The following PREX1 variants were observed in gnomAD, a reference collection of about 807,000 sequenced individuals.
PREX1 encodes the protein phosphatidylinositol-3,4,5-trisphosphate dependent Rac exchange factor 1.
Under a neutral mutation model 198.3 loss-of-function variants are expected in PREX1, and 41 were observed. The ratio of observed to expected loss-of-function variants is 0.21; its 90% confidence interval spans 0.16 to 0.27. PREX1 has a LOEUF of 0.27. Ranked by LOEUF, PREX1 falls within the 10% of genes least tolerant of loss-of-function variation. The pLI is 1.00. For missense variants in PREX1, 1,620 were observed against 2,200.7 expected, an observed-to-expected ratio of 0.74 and a Z score of 5.28; for synonymous variants, 843 against 887.2, an observed-to-expected ratio of 0.95 and a Z score of 0.89.
Position 48,659,901 on chromosome 20 carries a change from G to C in PREX1, c.1881+18C>G. On this transcript the variant is annotated intron_variant, in intron 16 of 39. Transcript: ENST00000371941. Reference sequence around the variant, plus strand: ...GGGCTCTGGCAAGGAAGGGACAGCTGCTCAGCTGTGCTCCTACCAGCAGGC... The same window carrying C: ...GGGCTCTGGCAAGGAAGGGACAGCTCCTCAGCTGTGCTCCTACCAGCAGGC... The C allele has an allele frequency of 1.2e-6, 2 of 1,613,910 alleles. No homozygotes were observed. The highest frequency in any genetic ancestry group is 3.4e-4 in the Middle Eastern group (2 of 5,830).
chr20:48,649,626 C>T (rs1217046590), intron 24 of PREX1, 50 bp from the exon 25 acceptor site: 1 of 1,530,052 alleles, frequency 6.5e-7, no homozygotes, highest in South Asian at 1.2e-5. Flanking sequence ...CCAGCATCCA[C>T]TGGGCCTTTG....
intron 1 of PREX1, among the ~76,000 whole-genome samples, chr20:48,780,277 C>G (rs6019417): frequency 6.6e-6 from 1 of 151,920 alleles, no homozygotes; most frequent in Non-Finnish European, 1.5e-5. Context: ...AGGGAAAATA[C>G]AAGATGAGCC....
intron 39 of PREX1, 32 bp downstream of exon 39, chr20:48,627,516 G>A (rs2089282306): frequency 6.2e-7 from 1 of 1,612,692 alleles, no homozygotes; most frequent in Non-Finnish European, 8.5e-7. Context: ...GCTGGGAGTG[G>A]ACAGGAAGGG....
rs368678071 is a variant in PREX1 at position 48,688,852 on chromosome 20, AG to A, written c.1187-49del. On this transcript the variant is annotated intron_variant, in intron 9 of 39. Coordinates refer to ENST00000371941, the MANE Select transcript of PREX1 (RefSeq NM_020820.4). The stretch of plus-strand genomic sequence containing the variant: ...CTGGAGAGAGCACCAGGCCCAGGGC[AG>A]GGGGGGTAGGGGGAGACAAGGGGCA... 4.2e-5 allele frequency: 67 copies of A among 1,587,480 alleles called. 1 individual carries two copies. In the African/African-American group the frequency reaches 4.8e-4, roughly 11 times the overall value.
At chr20:48,871,986 C>T in the PREX1 span, among the ~76,000 whole-genome samples, 1 of 151,688 alleles carries the variant, frequency 6.6e-6, no homozygotes. Context: ...GGTGAAACCC[C>T]GTCTCTACTA....
the PREX1 span, among the ~76,000 whole-genome samples, chr20:48,851,022 TTCAAATTTTG>T: frequency 1.3e-5 from 2 of 152,186 alleles, no homozygotes; most frequent in African/African-American, 4.8e-5. Flanking sequence ...TTATATGAAA[TTCAAATTTTG>T]GCTTCCATAA....
chr20:48,692,074 G>A (rs534084802), intron 8 of PREX1, among the ~76,000 whole-genome samples: 4 of 152,094 alleles, frequency 2.6e-5, no homozygotes, highest in Non-Finnish European at 5.9e-5. Flanking sequence ...ATTTTTTGTA[G>A]AGACAGGTTT....
the PREX1 span, among the ~76,000 whole-genome samples, chr20:48,861,759 G>A: frequency 6.6e-6 from 1 of 151,980 alleles, no homozygotes; most frequent in African/African-American, 2.4e-5. Context: ...CCCAAATAGG[G>A]GGACCTCACA....
intron 4 of PREX1, among the ~76,000 whole-genome samples, chr20:48,731,708 C>T (rs2090035471): frequency 6.6e-6 from 1 of 152,230 alleles, no homozygotes; most frequent in Non-Finnish European, 1.5e-5. Flanking sequence ...CTGCACGTGG[C>T]CAAAAGCTGG....
chr20:48,724,662 C>T (rs1424981992), intron 5 of PREX1, among the ~76,000 whole-genome samples: 2 of 152,244 alleles, frequency 1.3e-5, no homozygotes, highest in East Asian at 3.8e-4. Flanking sequence ...AGCTCATAGG[C>T]TGTATAAAAA....
intron 1 of PREX1, among the ~76,000 whole-genome samples, chr20:48,790,793 C>T (rs988587185): frequency 6.6e-6 from 1 of 152,204 alleles, no homozygotes; most frequent in Non-Finnish European, 1.5e-5. Context: ...GCCACAGCCA[C>T]AAGCTGTGGG....
intron 1 of PREX1, among the ~76,000 whole-genome samples, chr20:48,775,704 C>T (rs2090257924): frequency 6.6e-6 from 1 of 152,132 alleles, no homozygotes; most frequent in African/African-American, 2.4e-5. Context: ...CTCAAGAGAT[C>T]AGATGGCTTT....
At chr20:48,732,757 AGGGGT>A (rs2090039754) in intron 4 of PREX1, among the ~76,000 whole-genome samples, 1 of 152,138 alleles carries the variant, frequency 6.6e-6, no homozygotes, top group East Asian at 1.9e-4. Flanking sequence ...CCTTGGATCT[AGGGGT>A]GACCATGTGG....
chr20:48,651,761 A>G (rs7260928), intron 21 of PREX1, among the ~76,000 whole-genome samples, 178 bp from the exon 22 acceptor site: 5 of 152,224 alleles, frequency 3.3e-5, no homozygotes, highest in Non-Finnish European at 7.3e-5. Context: ...AAGGTGTTGG[A>G]GAGCCAGTCT....
chr20:48,696,915 G>A (rs963136234), intron 7 of PREX1, among the ~76,000 whole-genome samples: 1 of 151,428 alleles, frequency 6.6e-6, no homozygotes, highest in East Asian at 2.0e-4. Flanking sequence ...GCTTGCAGAC[G>A]ACAGATCTTG....
chr20:48,699,204 C>G (rs2089862468), intron 7 of PREX1, among the ~76,000 whole-genome samples: 1 of 152,116 alleles, frequency 6.6e-6, no homozygotes, highest in Non-Finnish European at 1.5e-5. Flanking sequence ...AGTGGCATGG[C>G]CTAGGACACA....
chr20:48,797,360 C>T (rs1000905561), intron 1 of PREX1, among the ~76,000 whole-genome samples: 1 of 148,642 alleles, frequency 6.7e-6, no homozygotes, highest in Admixed American at 6.8e-5. Flanking sequence ...CCCCAGGACA[C>T]TGAAGCCCAT....
intron 1 of PREX1, among the ~76,000 whole-genome samples, chr20:48,756,957 A>G (rs1290998539): frequency 6.6e-6 from 1 of 152,142 alleles, no homozygotes; most frequent in African/African-American, 2.4e-5. Flanking sequence ...TCCCCTTTAT[A>G]AAACCATCAG....
intron 3 of PREX1, among the ~76,000 whole-genome samples, chr20:48,743,780 G>A (rs977461295): frequency 5.3e-5 from 8 of 152,232 alleles, no homozygotes; most frequent in African/African-American, 1.9e-4. Flanking sequence ...CAGTTCATGA[G>A]TGGCTCAGCA....
Sources: gnomAD v4.1 joint callset for allele counts (sites outside exome capture counted in the v4.1 genomes callset) on GRCh38, gnomAD v4.1.1 for gene constraint, MANE v1.5 for transcripts, NCBI Gene and HGNC (gene_info 2026-07-23, HGNC 2026-07-21) for gene names.